The following IL1RL2 variants were observed in gnomAD, a reference collection of about 807,000 sequenced individuals.
IL1RL2 encodes interleukin-1 receptor-like 2.
In IL1RL2, 68 loss-of-function variants were observed where a neutral mutation model predicts 66.8. The observed-to-expected ratio is 1.02, with a 90% confidence interval of 0.84 to 1.25. IL1RL2 has a LOEUF of 1.25. Among genes scored for constraint, IL1RL2 ranks in the 50% most tolerant of loss-of-function variants. IL1RL2 has a pLI of 0.00. For missense variants in IL1RL2, 729 were observed against 709.3 expected, an observed-to-expected ratio of 1.03 and a Z score of -0.32; for synonymous variants, 305 against 264.6, an observed-to-expected ratio of 1.15 and a Z score of -1.48.
chr2:102,187,750 C>A (rs1164481767), intron 1 of IL1RL2, 106 bp from the exon 2 acceptor site: 1 of 952,056 alleles, frequency 1.1e-6, no homozygotes, highest in Non-Finnish European at 1.7e-6. Context: ...AAGGGAAGGT[C>A]AGCGGCCTGG....
intron 11 of IL1RL2, among the ~76,000 whole-genome samples, chr2:102,238,905 G>A (rs192626829): frequency 6.6e-6 from 1 of 152,266 alleles, no homozygotes; most frequent in African/African-American, 2.4e-5. Flanking sequence ...TCCCTGGAGA[G>A]GAGCTCTCCA....
rs569274764 is a variant in IL1RL2 at position 102,187,763 on chromosome 2, G to T, written c.-12-93G>T. On this transcript the variant is annotated intron_variant, in intron 1 of 11. Transcript: ENST00000264257. Reference sequence around the variant, plus strand: ...AAAAGGGAAGGTCAGCGGCCTGGGCGGTTGTCTTTGAGATTCCGAGGTCGC... The same window carrying T: ...AAAAGGGAAGGTCAGCGGCCTGGGCTGTTGTCTTTGAGATTCCGAGGTCGC... The T allele has an allele frequency of 1.2e-4, 124 of 1,054,336 alleles. No homozygotes were observed. The East Asian group carries it at 2.4e-3, about 20-fold the overall frequency. 65.3% of individuals were successfully genotyped at this position (1,054,336 alleles called of 1,614,324 possible). A position where few individuals can be genotyped will look rare whatever the true frequency, so the allele number is the denominator to read the frequency against.
intron 9 of IL1RL2, among the ~76,000 whole-genome samples, chr2:102,230,002 G>T (rs572234517): frequency 6.6e-6 from 1 of 152,336 alleles, no homozygotes; most frequent in East Asian, 1.9e-4. Context: ...AAGAGAAACA[G>T]ATTGAGAGAA....
chr2:102,195,809 G>A (rs1687736552), intron 4 of IL1RL2, among the ~76,000 whole-genome samples: 2 of 150,524 alleles, frequency 1.3e-5, no homozygotes. Flanking sequence ...TGCCTCCTGG[G>A]TTCAAGCCAT....
intron 9 of IL1RL2, among the ~76,000 whole-genome samples, chr2:102,227,560 T>C (rs3755285): frequency 0.35 from 52,718 of 151,986 alleles, 10,364 homozygotes; most frequent in African/African-American, 0.52. Flanking sequence ...ATAGTCCGAC[T>C]GGGCATGGGG....
chr2:102,189,128 T>G lies in IL1RL2; in HGVS notation c.111T>G (p.Pro37=), dbSNP rs770349785. The part of the protein sequence containing the change: ...MKNEILSASQ[P]FAFNCTFPPI... ...ATGAGATACTTTCAGCAAGCCAGCC[T>G]TTTGCTTTTAATTGTACATTCCCTC... Residue 37 remains proline (P), a synonymous_variant, in exon 3 of 12, where the codon CCT becomes CCG. Coordinates refer to ENST00000264257, the MANE Select transcript of IL1RL2 (RefSeq NM_003854.4). The G allele has an allele frequency of 2.5e-6, 4 of 1,614,012 alleles. No homozygotes were observed. The highest frequency in any genetic ancestry group is 1.7e-5 in the Admixed American group (1 of 60,014).
chr2:102,195,178 A>C (rs902803119), intron 4 of IL1RL2, among the ~76,000 whole-genome samples: 2 of 152,140 alleles, frequency 1.3e-5, no homozygotes, highest in African/African-American at 4.8e-5. Context: ...AGTAATTGTT[A>C]CAATGTGTCC....
chr2:102,203,323 C>T (rs1183425108), intron 5 of IL1RL2, among the ~76,000 whole-genome samples: 1 of 149,556 alleles, frequency 6.7e-6, no homozygotes, highest in Non-Finnish European at 1.5e-5. Context: ...ATCAGAGATA[C>T]TTGCCTATAG....
At chr2:102,230,509 T>C (rs144182883) in intron 9 of IL1RL2, among the ~76,000 whole-genome samples, 5 of 152,318 alleles carry the variant, frequency 3.3e-5, no homozygotes, top group Non-Finnish European at 7.4e-5. Context: ...CCAACATAGA[T>C]ATAAGCTCTT....
At chr2:102,191,176 A>G (rs1355529588) in intron 3 of IL1RL2, among the ~76,000 whole-genome samples, 1 of 152,148 alleles carries the variant, frequency 6.6e-6, no homozygotes, top group Non-Finnish European at 1.5e-5. Context: ...AGTTGAAAAA[A>G]CTGAATACTG....
chr2:102,207,413 CT>C (rs1451392189), intron 5 of IL1RL2, among the ~76,000 whole-genome samples: 1 of 152,128 alleles, frequency 6.6e-6, no homozygotes, highest in East Asian at 1.9e-4. Flanking sequence ...TGGATAATTG[CT>C]ACTGATTATT....
intron 4 of IL1RL2, among the ~76,000 whole-genome samples, chr2:102,197,689 G>A (rs1179700372): frequency 6.6e-6 from 1 of 152,214 alleles, no homozygotes; most frequent in African/African-American, 2.4e-5. Flanking sequence ...TCTTTCTGCT[G>A]GAAAGCAGAG....
chr2:102,198,391 CATCTGT>C (rs1687962309), intron 4 of IL1RL2, among the ~76,000 whole-genome samples: 4 of 152,182 alleles, frequency 2.6e-5, no homozygotes, highest in African/African-American at 9.7e-5. Context: ...GGTATTAAGA[CATCTGT>C]CTACACCTGG....
chr2:102,222,059 G>A (rs1270942711), intron 8 of IL1RL2, among the ~76,000 whole-genome samples: 7 of 152,152 alleles, frequency 4.6e-5, no homozygotes, highest in East Asian at 1.9e-4. Flanking sequence ...TAGGAAAGTC[G>A]TTTCTTTGAT....
intron 6 of IL1RL2, among the ~76,000 whole-genome samples, chr2:102,212,951 G>A (rs972312738): frequency 6.6e-6 from 1 of 152,088 alleles, no homozygotes; most frequent in African/African-American, 2.4e-5. Context: ...CGGCGACAGA[G>A]CGAGACTCCG....
In IL1RL2 at chr2:102,189,202, A is replaced by G; in HGVS notation, c.185A>G (p.Lys62Arg). 4 of 1,614,138 alleles carry G rather than the reference A, an allele frequency of 2.5e-6. No homozygotes were observed. The highest frequency in any genetic ancestry group is 2.5e-6 in the Non-Finnish European group (3 of 1,179,990). ...VSVTWYKNSS[K>R]IPVSKIIQSR... ...GTAACATGGTATAAAAATTCTAGCA[A>G]AATCCCAGTGTCCAAAATCATACAG... Residue 62 changes from lysine to arginine, a missense_variant, in exon 3 of 12, where the codon AAA becomes AGA. Lys to Arg is a conservative substitution (Grantham distance 26, BLOSUM62 2). Coordinates refer to ENST00000264257, the MANE Select transcript of IL1RL2 (RefSeq NM_003854.4).
At chr2:102,200,848 G>T (rs1366951953) in intron 4 of IL1RL2, among the ~76,000 whole-genome samples, 1 of 152,118 alleles carries the variant, frequency 6.6e-6, no homozygotes, top group African/African-American at 2.4e-5. Context: ...TGAGGTTGTT[G>T]CCTTGTCCAT....
At chr2:102,209,975 G>T (rs2104794148) in intron 5 of IL1RL2, among the ~76,000 whole-genome samples, 1 of 152,284 alleles carries the variant, frequency 6.6e-6, no homozygotes, top group South Asian at 2.1e-4. Context: ...AAGCTTGAAG[G>T]CTGAAAGGAA....
At chr2:102,228,788 A>G (rs1690864309) in intron 9 of IL1RL2, among the ~76,000 whole-genome samples, 1 of 152,226 alleles carries the variant, frequency 6.6e-6, no homozygotes. Flanking sequence ...AAAGGCAATG[A>G]CAAGATCCAC....
Sources: gnomAD v4.1 joint callset for allele counts (sites outside exome capture counted in the v4.1 genomes callset) on GRCh38, gnomAD v4.1.1 for gene constraint, MANE v1.5 for transcripts, NCBI Gene and HGNC (gene_info 2026-07-23, HGNC 2026-07-21) for gene names.